Variants in LRPPRC observed in about 807,000 individuals in gnomAD.
LRPPRC encodes leucine-rich PPR motif-containing protein, mitochondrial.
In LRPPRC, 120 loss-of-function variants were observed where a neutral mutation model predicts 180.3. The observed-to-expected ratio is 0.67, with a 90% CI of 0.57 to 0.77. The LOEUF is 0.77. LRPPRC is among the 30% of genes least tolerant of loss of function. The probability of loss-of-function intolerance (pLI) is 0.00; values close to 1 mark genes in which losing one functional copy is unlikely to be tolerated. For synonymous variants in LRPPRC, 723 were observed against 600.0 expected, an observed-to-expected ratio of 1.21 and a Z score of -3.00; for missense variants, 2,012 against 1,657.2, an observed-to-expected ratio of 1.21 and a Z score of -3.72.
At chr2:43,911,523 C>CT (rs531172761) in intron 30 of LRPPRC, among the ~76,000 whole-genome samples, 1,228 of 92,302 alleles carry the variant, frequency 0.013, 25 homozygotes, top group Admixed American at 0.039. Flanking sequence ...TCTTCTTCTT[C>CT]TTTTTTTTTT....
At chr2:43,935,108 C>T (rs141043630) in intron 23 of LRPPRC, among the ~76,000 whole-genome samples, 1 of 152,160 alleles carries the variant, frequency 6.6e-6, no homozygotes, top group East Asian at 1.9e-4. Context: ...CCTGCTTCAT[C>T]TTTTATTATT....
At chr2:43,939,180 C>G (rs1217843275) in intron 23 of LRPPRC, among the ~76,000 whole-genome samples, 1 of 151,522 alleles carries the variant, frequency 6.6e-6, no homozygotes, top group Non-Finnish European at 1.5e-5. Flanking sequence ...ACTCGGGAGG[C>G]TGAGGCAGGA....
chr2:43,987,365 G>A (rs1341070055), intron 1 of LRPPRC, among the ~76,000 whole-genome samples: 1 of 151,804 alleles, frequency 6.6e-6, no homozygotes, highest in African/African-American at 2.4e-5. Flanking sequence ...GGCCGTGGCG[G>A]GCGCCTATAG....
chr2:43,974,484 T>C (rs1462653590), intron 8 of LRPPRC, 130 bp downstream of exon 8: 12 of 822,722 alleles, frequency 1.5e-5, no homozygotes, highest in South Asian at 3.2e-5. Context: ...TTTGGGCTTA[T>C]TTAACTGACT....
At chr2:43,995,603 C>A (rs960943455) in intron 1 of LRPPRC, among the ~76,000 whole-genome samples, 196 bp downstream of exon 1, 3 of 152,228 alleles carry the variant, frequency 2.0e-5, no homozygotes, top group African/African-American at 7.2e-5. Flanking sequence ...TGCCCACAGC[C>A]GTGACCTTCT....
intron 2 of LRPPRC, among the ~76,000 whole-genome samples, chr2:43,980,809 A>G (rs1029779033): frequency 2.6e-5 from 4 of 152,184 alleles, no homozygotes; most frequent in Admixed American, 6.5e-5. Flanking sequence ...ACCTACAGGG[A>G]CAGAAAATAC....
chr2:43,959,725 A>C (rs1160103679), intron 13 of LRPPRC, among the ~76,000 whole-genome samples: 2 of 152,112 alleles, frequency 1.3e-5, no homozygotes, highest in Admixed American at 1.3e-4. Flanking sequence ...TCTACTAAAA[A>C]TACAAAAAAT....
chr2:43,891,773 A>C (rs1305803202), intron 36 of LRPPRC, among the ~76,000 whole-genome samples: 1 of 152,270 alleles, frequency 6.6e-6, no homozygotes, highest in East Asian at 1.9e-4. Context: ...AGAAGCGAGA[A>C]ATGAAATGAT....
At chr2:43,917,671 C>T (rs993691474) in intron 29 of LRPPRC, among the ~76,000 whole-genome samples, 1 of 151,996 alleles carries the variant, frequency 6.6e-6, no homozygotes, top group Non-Finnish European at 1.5e-5. Flanking sequence ...CACCTGTAGT[C>T]CCAGCTACTC....
At chr2:43,973,970 C>A in intron 9 of LRPPRC, 70 bp from the exon 10 acceptor site, 1 of 1,139,882 alleles carries the variant, frequency 8.8e-7, no homozygotes, top group South Asian at 1.2e-5. Context: ...TGCAAATATT[C>A]TACCACTTCT....
chr2:43,927,838 C>G (rs1211194627), intron 25 of LRPPRC, among the ~76,000 whole-genome samples: 2 of 152,132 alleles, frequency 1.3e-5, no homozygotes, highest in East Asian at 3.8e-4. Flanking sequence ...ATATAAATCT[C>G]AATCATCAAA....
intron 25 of LRPPRC, among the ~76,000 whole-genome samples, chr2:43,930,173 C>T (rs1672034865): frequency 6.6e-6 from 1 of 151,920 alleles, no homozygotes; most frequent in Non-Finnish European, 1.5e-5. Flanking sequence ...TTTTCCCCCA[C>T]TGAGAAGAGA....
chr2:43,992,081 G>A (rs2103782009), intron 1 of LRPPRC, among the ~76,000 whole-genome samples: 1 of 152,220 alleles, frequency 6.6e-6, no homozygotes, highest in Admixed American at 6.5e-5. Context: ...GTTGGTGAGT[G>A]CACGTCATAG....
rs1181950299 is a variant in LRPPRC at position 43,960,549 on chromosome 2, A to G, written c.1574T>C (p.Leu525Ser). 3 of 1,552,460 alleles carry G rather than the reference A, an allele frequency of 1.9e-6. No individual in the cohort carries two copies. Among genetic ancestry groups the G allele is most frequent in the East Asian group, 4.5e-5 (2 of 44,592 alleles). The change falls in exon 13 of 38, where the codon TTA (leucine) becomes TCA (serine). Residue 525 changes from leucine (L) to serine (S), a missense_variant. Transcript: ENST00000260665. ...EAANGNLDFVLSFLKSNTLPI... is the reference protein window; with the variant it reads ...EAANGNLDFVSSFLKSNTLPI... Reference sequence around the variant, plus strand: ...TAATGTTGTATACTTACAAAATGATAATACAAAGTCTAAGTTCCCATTTGC... The same window carrying G: ...TAATGTTGTATACTTACAAAATGATGATACAAAGTCTAAGTTCCCATTTGC...
At chr2:43,967,259 C>A (rs753930971) in intron 11 of LRPPRC, among the ~76,000 whole-genome samples, 82 of 152,062 alleles carry the variant, frequency 5.4e-4, no homozygotes, top group Admixed American at 5.2e-4. Context: ...TTTGAACTAG[C>A]CAGCCATGGT....
intron 11 of LRPPRC, among the ~76,000 whole-genome samples, chr2:43,965,412 T>C (rs1424138393): frequency 6.6e-6 from 1 of 152,132 alleles, no homozygotes; most frequent in African/African-American, 2.4e-5. Context: ...GATTAAAGAC[T>C]TAAACTTGAA....
chr2:43,996,096 A>AAACCGCACTTC, upstream of LRPPRC: 1 of 660,706 alleles, frequency 1.5e-6, no homozygotes, highest in Non-Finnish European at 2.5e-6. Context: ...GGAAGATGGA[A>AAACCGCACTTC]AACCGCACTT....
chr2:43,934,571 C>T (rs997344461), intron 24 of LRPPRC, among the ~76,000 whole-genome samples, 183 bp downstream of exon 24: 2 of 151,682 alleles, frequency 1.3e-5, no homozygotes, highest in African/African-American at 4.8e-5. Flanking sequence ...TGAACAGTTA[C>T]TAAAATCAAG....
At chr2:43,929,403 G>T (rs1336542165) in intron 25 of LRPPRC, among the ~76,000 whole-genome samples, 1 of 152,170 alleles carries the variant, frequency 6.6e-6, no homozygotes, top group Non-Finnish European at 1.5e-5. Context: ...GTCTATGTGT[G>T]TGTAAGTTTT....
Sources: allele counts gnomAD v4.1 joint callset (sites outside exome capture counted in the v4.1 genomes callset), GRCh38; gene constraint gnomAD v4.1.1; transcripts MANE v1.5; gene names NCBI Gene and HGNC (gene_info 2026-07-23, HGNC 2026-07-21).